Variants in GPAM observed in about 807,000 individuals in gnomAD.
GPAM encodes glycerol-3-phosphate acyltransferase, mitochondrial.
Under a neutral mutation model 105.0 loss-of-function variants are expected in GPAM, and 56 were observed. The observed-to-expected ratio is 0.53, with a 90% confidence interval of 0.43 to 0.67. The LOEUF (loss-of-function observed/expected upper bound fraction) is 0.67, where lower values mean the gene tolerates loss of function less well. GPAM is among the 30% of genes least tolerant of loss of function. The probability of loss-of-function intolerance (pLI) is 0.00; values close to 1 mark genes in which losing one functional copy is unlikely to be tolerated. For missense variants in GPAM, 855 were observed against 989.8 expected, an observed-to-expected ratio of 0.86 and a Z score of 1.83; for synonymous variants, 368 against 354.4, an observed-to-expected ratio of 1.04 and a Z score of -0.43.
intron 4 of GPAM, 52 bp from the exon 5 acceptor site, chr10:112,178,109 G>A (rs1475829263): frequency 5.6e-6 from 5 of 896,216 alleles, no homozygotes; most frequent in Non-Finnish European, 7.6e-6. Flanking sequence ...GATTGACGGT[G>A]AAGAGCTCTC....
chr10:112,173,081 A>T lies in GPAM; in HGVS notation c.561-15T>A. On this transcript the variant is annotated splice_polypyrimidine_tract_variant and intron_variant, in intron 7 of 21. Transcript: ENST00000348367. Reference sequence around the variant, plus strand: ...ACCCAGTCAGTCTGAAACAAAGTACAAACAAAAAAAACAACATAAATGAAC... The same window carrying T: ...ACCCAGTCAGTCTGAAACAAAGTACTAACAAAAAAAACAACATAAATGAAC... The T allele has an allele frequency of 1.5e-6, 2 of 1,356,620 alleles. No homozygotes were observed. The highest frequency in any genetic ancestry group is 2.1e-6 in the Non-Finnish European group (2 of 945,004). The allele number at this position is 1,356,620 out of a possible 1,614,324, so 84.0% of individuals were successfully genotyped here. A position where few individuals can be genotyped will look rare whatever the true frequency, so the allele number is the denominator to read the frequency against.
intron 17 of GPAM, 77 bp downstream of exon 17, chr10:112,159,834 G>T: frequency 3.5e-6 from 5 of 1,439,292 alleles, no homozygotes; most frequent in Non-Finnish European, 4.9e-6. Flanking sequence ...TTATCTAACA[G>T]AAAAACACGG....
At position 112,152,093 on chromosome 10, in the gene GPAM, GT is replaced by G; in HGVS notation, c.*1456del. 1 of 982,480 alleles carries G rather than the reference GT, an allele frequency of 1.0e-6. No homozygotes were observed. The highest frequency in any genetic ancestry group is 1.2e-6 in the Non-Finnish European group (1 of 827,338). The allele number at this position is 982,480 out of a possible 1,614,324, so 60.9% of individuals were successfully genotyped here. A position where few individuals can be genotyped will look rare whatever the true frequency, so the allele number is the denominator to read the frequency against. On this transcript the variant is annotated 3_prime_UTR_variant, in exon 22 of 22. Transcript: ENST00000348367. Reference sequence around the variant, plus strand: ...ACACATTACTCATGAGATACTATCAGTGTTTAAAATCCAAGCTTATGGAAGT... The same window carrying G: ...ACACATTACTCATGAGATACTATCAGGTTTAAAATCCAAGCTTATGGAAGT...
At chr10:112,220,773 C>T in the GPAM span, among the ~76,000 whole-genome samples, 1 of 151,756 alleles carries the variant, frequency 6.6e-6, no homozygotes, top group African/African-American at 2.4e-5. Flanking sequence ...ATGATGTGTA[C>T]CATTGATGTG....
chr10:112,155,880 T>G lies in GPAM; in HGVS notation c.2295A>C (p.Arg765Ser). ...TTAACATACCATATACTGCAACATT[T>G]CTTTCTGTTCTGGTTATTAGGTATT... ...LHKYLITRTE[R>S]NVAVYAESAT... Residue 765 changes from arginine to serine, a missense_variant, in exon 20 of 22, where the codon AGA (arginine) becomes AGC (serine). Coordinates refer to ENST00000348367, the MANE Select transcript of GPAM (RefSeq NM_001244949.2). The G allele has an allele frequency of 1.3e-6, 2 of 1,597,322 alleles. No homozygotes were observed. The highest frequency in any genetic ancestry group is 8.6e-7 in the Non-Finnish European group (1 of 1,165,074).
intron 1 of GPAM, among the ~76,000 whole-genome samples, chr10:112,208,559 C>G (rs1642369054): frequency 6.6e-6 from 1 of 152,052 alleles, no homozygotes; most frequent in African/African-American, 2.4e-5. Context: ...ATCAACTCTG[C>G]CACTCTGCTA....
At chr10:112,168,663 A>G (rs1220237444) in intron 10 of GPAM, 139 bp from the exon 11 acceptor site, 7 of 727,918 alleles carry the variant, frequency 9.6e-6, no homozygotes, top group Non-Finnish European at 1.7e-5. Context: ...ACACTAATAA[A>G]ACAGCTCCTC....
In GPAM at chr10:112,164,596, G is replaced by T; in HGVS notation, c.1236C>A (p.Ser412Arg). Residue 412 changes from serine (S) to arginine (R), a missense_variant, in exon 13 of 22, where the codon AGC (serine) becomes AGA (arginine). By Grantham distance (110) the Ser-to-Arg change is moderately radical (BLOSUM62 -1). Coordinates refer to ENST00000348367, the MANE Select transcript of GPAM (RefSeq NM_001244949.2). ...GAGCAGACACCGGTTTCTGACTTTG[G>T]CTTTCTAAATATTCCTGGAGAAAAA... ...QPFSLKEYLE[S>R]QSQKPVSALL... The T allele has an allele frequency of 1.3e-6, 2 of 1,594,974 alleles. No individual in the cohort carries two copies. The highest frequency in any genetic ancestry group is 1.7e-6 in the Non-Finnish European group (2 of 1,162,762).
chr10:112,217,784 C>G (rs867724956), upstream of GPAM, among the ~76,000 whole-genome samples: 1 of 152,152 alleles, frequency 6.6e-6, no homozygotes. Context: ...AGTAACTTGC[C>G]AAAATCTACC....
At position 112,209,125 on chromosome 10, in the gene GPAM, C is replaced by T. The variant is rs1847882983; in HGVS notation, n.210+6043G>A. ...TCACATTTTCCACTCTGTAATGCTGCACTAAATTGCCTGTTGAATTACCAG... is the reference window on the plus strand; with the variant it reads ...TCACATTTTCCACTCTGTAATGCTGTACTAAATTGCCTGTTGAATTACCAG... On this transcript the variant is annotated intron_variant and non_coding_transcript_variant, in intron 1 of 3. Coordinates refer to the GPAM transcript ENST00000480130. Among the ~76,000 whole-genome samples, 4 of 152,202 alleles carry T rather than the reference C, an allele frequency of 2.6e-5. No homozygotes were observed. The South Asian group carries it at 8.3e-4, about 32-fold the overall frequency.
chr10:112,208,130 C>G (rs1589611435), intron 1 of GPAM, among the ~76,000 whole-genome samples: 1 of 152,136 alleles, frequency 6.6e-6, no homozygotes, highest in African/African-American at 2.4e-5. Context: ...CATTTAATCA[C>G]AGCAGAGCCA....
chr10:112,160,756 G>C lies in GPAM; in HGVS notation c.1607C>G (p.Ala536Gly), dbSNP rs957708849. 1 of 1,613,856 alleles carries C rather than the reference G, an allele frequency of 6.2e-7. No homozygotes were observed. The highest frequency in any genetic ancestry group is 1.3e-5 in the African/African-American group (1 of 74,898). The change falls in exon 16 of 22, where the codon GCC (alanine) becomes GGC (glycine). Residue 536 changes from alanine (A) to glycine (G), a missense_variant. Transcript: ENST00000348367. ...GACACAATTTCCCAGCAGCTGTATG[G>C]CATGCATTACTACATCTTCTGAATT... is the stretch of plus-strand genomic sequence containing the variant. ...SGNSEDVVMH[A>G]IQLLGNCVTI...
rs1292532536 is a variant in GPAM at position 112,160,714 on chromosome 10, C to G, written c.1649G>C (p.Ser550Thr). ...GGTGATAAAAAACTCATCGTTCCTG[C>G]TAGTGTGGGTGATTGTGACACAATT... ...LGNCVTITHT[S>T]RNDEFFITPS... The change falls in exon 16 of 22, where the codon AGC (serine) becomes ACC (threonine). Residue 550 changes from serine to threonine, a missense_variant. Physicochemically the swap from Ser to Thr is moderately conservative, Grantham distance 58. Transcript: ENST00000348367. The G allele has an allele frequency of 6.2e-7, 1 of 1,613,886 alleles. No homozygotes were observed.
intron 11 of GPAM, 121 bp downstream of exon 11, chr10:112,168,191 C>T: frequency 1.4e-6 from 1 of 706,740 alleles, no homozygotes; most frequent in Non-Finnish European, 2.6e-6. Flanking sequence ...ACATTTCATA[C>T]AGTGCTTTAA....
At chr10:112,155,604 A>T in intron 20 of GPAM, 2 of 389,214 alleles carry the variant, frequency 5.1e-6, no homozygotes, top group Non-Finnish European at 9.4e-6. Flanking sequence ...ACAATGGAAC[A>T]CTACACAACA....
chr10:112,194,859 C>G (rs1166287854), intron 1 of GPAM, among the ~76,000 whole-genome samples: 1 of 152,192 alleles, frequency 6.6e-6, no homozygotes, highest in East Asian at 1.9e-4. Flanking sequence ...CATACCATCT[C>G]CTCAGCAGGC....
chr10:112,151,877 C>T lies in GPAM; in HGVS notation c.*1673G>A. On this transcript the variant is annotated 3_prime_UTR_variant, in exon 22 of 22. Coordinates refer to ENST00000348367, the MANE Select transcript of GPAM (RefSeq NM_001244949.2). ...AAAATGGAATGCTAAAACATGATAT[C>T]TCATTCAACATCAGAGCTACTACAA... 1 of 983,292 alleles carries T rather than the reference C, an allele frequency of 1.0e-6. No individual in the cohort carries two copies. The highest frequency in any genetic ancestry group is 1.2e-6 in the Non-Finnish European group (1 of 828,014). 60.9% of individuals were successfully genotyped at this position (983,292 alleles called of 1,614,324 possible). A position where few individuals can be genotyped will look rare whatever the true frequency, so the allele number is the denominator to read the frequency against.
At chr10:112,211,767 A>G (rs1847913806) in intron 1 of GPAM, among the ~76,000 whole-genome samples, 1 of 152,222 alleles carries the variant, frequency 6.6e-6, no homozygotes, top group Non-Finnish European at 1.5e-5. Context: ...AGAAAGTATT[A>G]CACCCATTTT....
chr10:112,179,459 G>A (rs1403682697), intron 4 of GPAM, among the ~76,000 whole-genome samples: 3 of 152,214 alleles, frequency 2.0e-5, no homozygotes, highest in Non-Finnish European at 4.4e-5. Context: ...AGAAATTTCT[G>A]TGATTCTTGA....
Sources: allele counts gnomAD v4.1 joint callset (sites outside exome capture counted in the v4.1 genomes callset), GRCh38; gene constraint gnomAD v4.1.1; transcripts MANE v1.5; gene names NCBI Gene and HGNC (gene_info 2026-07-23, HGNC 2026-07-21).